Variants in RAB22A observed in about 807,000 individuals in gnomAD.
RAB22A encodes the protein ras-related protein Rab-22A.
RAB22A carries 13 observed loss-of-function variants against 30.2 expected under a neutral mutation model. That is an observed-to-expected ratio of 0.43 (90% CI 0.28 to 0.68). The LOEUF (loss-of-function observed/expected upper bound fraction) is 0.68. Among genes scored for constraint, RAB22A ranks in the 30% least tolerant of loss-of-function variants. The probability of loss-of-function intolerance (pLI) is 0.18; values close to 1 mark genes in which losing one functional copy is unlikely to be tolerated. For synonymous variants in RAB22A, 89 were observed against 87.2 expected (o/e 1.02, Z -0.11); for missense variants, 177 against 246.8 (o/e 0.72, Z 1.89).
chr20:58,336,287 C>T (rs1198172999), intron 2 of RAB22A, among the ~76,000 whole-genome samples: 2 of 152,112 alleles, frequency 1.3e-5, no homozygotes, highest in Non-Finnish European at 2.9e-5. Context: ...GCTGGGATTA[C>T]GGGTATGAGC....
rs1986184473 is a variant in RAB22A at position 58,309,876 on chromosome 20, G to A, written c.-101G>A. The A allele has an allele frequency of 8.7e-7, 1 of 1,150,136 alleles. No individual in the cohort carries two copies. The highest frequency in any genetic ancestry group is 1.1e-6 in the Non-Finnish European group (1 of 901,474). 71.2% of individuals were successfully genotyped at this position (1,150,136 alleles called of 1,614,324 possible). The stretch of plus-strand genomic sequence containing the variant: ...CCGCCTCTGCGCGGACCGGGGCTGG[G>A]CCGTGCGGCGGCAGCGGCGCCAGGG... On this transcript the variant is annotated 5_prime_UTR_variant, in exon 1 of 7. Transcript: ENST00000244040.
At chr20:58,331,605 A>G (rs1454257009) in intron 2 of RAB22A, among the ~76,000 whole-genome samples, 1 of 152,206 alleles carries the variant, frequency 6.6e-6, no homozygotes, top group Non-Finnish European at 1.5e-5. Flanking sequence ...AACCACAAAT[A>G]TAATTCGCTT....
At chr20:58,355,385 ATGTCCCAT>A (rs1177986811) in intron 6 of RAB22A, among the ~76,000 whole-genome samples, 5 of 151,908 alleles carry the variant, frequency 3.3e-5, no homozygotes, top group South Asian at 2.1e-4. Context: ...TTTTTTTTAC[ATGTCCCAT>A]TGTTTAGATT....
intron 2 of RAB22A, among the ~76,000 whole-genome samples, chr20:58,340,105 G>C (rs1327063981): frequency 6.6e-6 from 1 of 152,186 alleles, no homozygotes; most frequent in East Asian, 1.9e-4. Context: ...AGGGGAGAAA[G>C]GTTGGCCACT....
At chr20:58,313,516 C>T (rs1986272649) in intron 2 of RAB22A, among the ~76,000 whole-genome samples, 9 of 152,066 alleles carry the variant, frequency 5.9e-5, no homozygotes, top group Admixed American at 5.9e-4. Flanking sequence ...GCACCCATTC[C>T]CCAACCTACT....
chr20:58,328,302 C>T (rs1214670827), intron 2 of RAB22A, among the ~76,000 whole-genome samples: 2 of 152,112 alleles, frequency 1.3e-5, no homozygotes, highest in Non-Finnish European at 2.9e-5. Context: ...CCACCTCAGC[C>T]TCCCAAGTAG....
chr20:58,329,428 A>G (rs1207791860), intron 2 of RAB22A, among the ~76,000 whole-genome samples: 1 of 152,118 alleles, frequency 6.6e-6, no homozygotes, highest in Non-Finnish European at 1.5e-5. Context: ...TTACTGTGTC[A>G]TTCTGTTTTA....
intron 5 of RAB22A, 149 bp downstream of exon 5, chr20:58,353,687 T>A: frequency 1.4e-6 from 1 of 712,900 alleles, no homozygotes; most frequent in Non-Finnish European, 2.3e-6. Context: ...ATTTTTAAAC[T>A]AAAATTAAGA....
rs374592343 is a variant in RAB22A at position 58,357,525 on chromosome 20, A to G, written c.488-2081A>G. The stretch of plus-strand genomic sequence containing the variant: ...GCATTAGGTTTTTGGTTGCTGTTTT[A>G]GAAATCATTACCTGTTCCCAGCTCA... On this transcript the variant is annotated intron_variant, in intron 6 of 6. Transcript: ENST00000244040. Among the ~76,000 whole-genome samples, 5 of 152,288 alleles carry G rather than the reference A, an allele frequency of 3.3e-5. No homozygotes were observed. The East Asian group carries it at 9.6e-4, about 29-fold the overall frequency.
intron 2 of RAB22A, among the ~76,000 whole-genome samples, chr20:58,330,268 A>G (rs1986640238): frequency 1.3e-5 from 2 of 152,158 alleles, no homozygotes; most frequent in African/African-American, 4.8e-5. Context: ...GTATTTAGAT[A>G]CTGTCCTTAA....
At chr20:58,331,927 C>T (rs1463412148) in intron 2 of RAB22A, among the ~76,000 whole-genome samples, 1 of 152,194 alleles carries the variant, frequency 6.6e-6, no homozygotes, top group Non-Finnish European at 1.5e-5. Flanking sequence ...CCTCTTTCTC[C>T]TCGGTCATCC....
At chr20:58,336,897 A>G (rs1192955947) in intron 2 of RAB22A, among the ~76,000 whole-genome samples, 1 of 151,954 alleles carries the variant, frequency 6.6e-6, no homozygotes, top group African/African-American at 2.4e-5. Context: ...CCACCCTCCA[A>G]GTCTAACCCT....
At position 58,360,576 on chromosome 20, in the gene RAB22A, A is replaced by G. The variant is rs767940132; in HGVS notation, c.*873A>G. Reference sequence around the variant, plus strand: ...GAAAAGCAAGTATCTATTGCTTAGCATATGTAAAGTTGTAGTCTATATTTA... The same window carrying G: ...GAAAAGCAAGTATCTATTGCTTAGCGTATGTAAAGTTGTAGTCTATATTTA... On this transcript the variant is annotated 3_prime_UTR_variant, in exon 7 of 7. Coordinates refer to ENST00000244040, the MANE Select transcript of RAB22A (RefSeq NM_020673.3). 6.6e-6 allele frequency: 1 copy of G among 152,632 alleles called. No individual in the cohort carries two copies. Among genetic ancestry groups the G allele is most frequent in the Non-Finnish European group, 1.5e-5 (1 of 68,034 alleles). 9.5% of individuals were successfully genotyped at this position (152,632 alleles called of 1,614,324 possible).
At chr20:58,314,419 A>C (rs947616684) in intron 2 of RAB22A, among the ~76,000 whole-genome samples, 8 of 152,232 alleles carry the variant, frequency 5.3e-5, no homozygotes, top group African/African-American at 1.9e-4. Flanking sequence ...ATGCAGTACT[A>C]TGAAAACATG....
intron 2 of RAB22A, 97 bp downstream of exon 2, chr20:58,311,219 T>C: frequency 1.7e-6 from 2 of 1,152,486 alleles, no homozygotes; most frequent in African/African-American, 1.5e-5. Context: ...TTTGTAGTCA[T>C]TGAATTCTGA....
chr20:58,310,096 TCCC>T (rs1986191088), intron 1 of RAB22A, 84 bp downstream of exon 1: 3 of 1,172,194 alleles, frequency 2.6e-6, no homozygotes, highest in East Asian at 6.7e-5. Context: ...CCTCATCCCT[TCCC>T]CCCTCCCACG....
intron 6 of RAB22A, among the ~76,000 whole-genome samples, chr20:58,356,003 T>A (rs1233624466): frequency 1.3e-5 from 2 of 152,116 alleles, no homozygotes; most frequent in Non-Finnish European, 2.9e-5. Context: ...GTTCTTCACT[T>A]TAGTGGTATT....
chr20:58,316,471 GC>G (rs1219213908), intron 2 of RAB22A, among the ~76,000 whole-genome samples: 4 of 152,034 alleles, frequency 2.6e-5, no homozygotes, highest in African/African-American at 4.8e-5. Flanking sequence ...TTTCAGACAT[GC>G]ATGTCTCTGG....
chr20:58,342,626 A>G (rs961270284), intron 2 of RAB22A, among the ~76,000 whole-genome samples: 4 of 148,658 alleles, frequency 2.7e-5, no homozygotes, highest in Admixed American at 2.0e-4. Context: ...CAACTTGGCC[A>G]AAAAACAAGA....
Sources: gnomAD v4.1 joint callset for allele counts (sites outside exome capture counted in the v4.1 genomes callset) on GRCh38, gnomAD v4.1.1 for gene constraint, MANE v1.5 for transcripts, NCBI Gene and HGNC (gene_info 2026-07-23, HGNC 2026-07-21) for gene names.